Variants in ACSS1 observed in about 807,000 individuals in gnomAD.
ACSS1 encodes acetyl-coenzyme A synthetase 2-like, mitochondrial.
In ACSS1, 42 loss-of-function variants were observed where a neutral mutation model predicts 75.3. The observed-to-expected ratio is 0.56, with a 90% CI of 0.44 to 0.72. The LOEUF is 0.72. ACSS1 is among the 30% of genes least tolerant of loss of function. The pLI, the probability that ACSS1 is intolerant of heterozygous loss-of-function variation, is 0.00. For missense variants in ACSS1, 782 were observed against 935.7 expected (o/e 0.84, Z 2.14); for synonymous variants, 380 against 376.8 (o/e 1.01, Z -0.10).
chr20:25,046,918 T>TG (rs768832204), intron 2 of ACSS1: 1 of 779,244 alleles, frequency 1.3e-6, no homozygotes, highest in East Asian at 2.4e-5. Context: ...GTCTGGCTGG[T>TG]GGGGGAGACG....
chr20:25,012,333 A>G (rs2088424052), intron 12 of ACSS1: 1 of 526,530 alleles, frequency 1.9e-6, no homozygotes, highest in African/African-American at 1.9e-5. Flanking sequence ...GAAACCCCCC[A>G]AGCTTAGCCA....
intron 2 of ACSS1, among the ~76,000 whole-genome samples, chr20:25,040,186 C>A (rs1600339677): frequency 1.3e-5 from 2 of 152,220 alleles, no homozygotes; most frequent in East Asian, 3.8e-4. Flanking sequence ...TCAGGTCCCA[C>A]TCCAAGTTTG....
chr20:25,019,105 T>G lies in ACSS1; in HGVS notation c.1246+905A>C, dbSNP rs540799958. On this transcript the variant is annotated intron_variant, in intron 7 of 13. Transcript: ENST00000323482. ...GAGGTACATGCTCCCTTCCCAAGGA[T>G]GTATGTGGCAGAATGGGACACTCTT... Among the ~76,000 whole-genome samples the G allele has an allele frequency of 7.0e-4, 107 of 152,224 alleles. 1 individual carries two copies. In the South Asian group the frequency reaches 8.5e-3, roughly 12 times the overall value.
At chr20:25,029,674 A>G (rs2088788060) in intron 3 of ACSS1, among the ~76,000 whole-genome samples, 3 of 152,228 alleles carry the variant, frequency 2.0e-5, no homozygotes. Flanking sequence ...ATGCCACAAC[A>G]TGGATGAATG....
chr20:25,026,828 C>T (rs1207327633), intron 3 of ACSS1, among the ~76,000 whole-genome samples: 1 of 152,170 alleles, frequency 6.6e-6, no homozygotes. Context: ...AGGGCAGAGT[C>T]CTCTTCAGGA....
intron 2 of ACSS1, among the ~76,000 whole-genome samples, chr20:25,040,772 G>A (rs1243404740): frequency 6.6e-6 from 1 of 152,028 alleles, no homozygotes; most frequent in Non-Finnish European, 1.5e-5. Flanking sequence ...AAACCACCCA[G>A]CCCCAGGGGC....
intron 3 of ACSS1, among the ~76,000 whole-genome samples, chr20:25,027,156 C>T (rs1260762925): frequency 6.6e-6 from 1 of 152,226 alleles, no homozygotes; most frequent in Non-Finnish European, 1.5e-5. Context: ...TCAGTTTACC[C>T]ATCTTCTTCC....
At chr20:25,042,460 G>A (rs1390984131) in intron 2 of ACSS1, among the ~76,000 whole-genome samples, 4 of 152,132 alleles carry the variant, frequency 2.6e-5, no homozygotes, top group Admixed American at 2.6e-4. Flanking sequence ...CCCACCATGG[G>A]AGCCCCACAG....
chr20:25,019,147 G>A (rs1357308280), intron 7 of ACSS1, among the ~76,000 whole-genome samples: 1 of 152,228 alleles, frequency 6.6e-6, no homozygotes, highest in Non-Finnish European at 1.5e-5. Context: ...TCACTGCCCT[G>A]CATGCTTCCC....
chr20:25,028,737 T>C (rs1451398038), intron 3 of ACSS1, among the ~76,000 whole-genome samples: 1 of 152,170 alleles, frequency 6.6e-6, no homozygotes, highest in Non-Finnish European at 1.5e-5. Context: ...CTGGTCAACA[T>C]GGTGAAATCC....
chr20:25,039,953 G>A (rs2088974107), intron 2 of ACSS1, among the ~76,000 whole-genome samples: 2 of 152,228 alleles, frequency 1.3e-5, no homozygotes, highest in Non-Finnish European at 2.9e-5. Context: ...GGCAGCCCAG[G>A]ACAAGAGCAC....
At chr20:25,046,844 A>G (rs1200537963) in intron 2 of ACSS1, 3 of 779,746 alleles carry the variant, frequency 3.8e-6, no homozygotes. Flanking sequence ...CTGCTGGCCT[A>G]TGGGCCACAC....
intron 7 of ACSS1, among the ~76,000 whole-genome samples, chr20:25,015,531 A>T (rs954399065): frequency 2.0e-5 from 3 of 152,150 alleles, no homozygotes; most frequent in Non-Finnish European, 4.4e-5. Context: ...TCCTGACCTC[A>T]GGTGATCCAC....
At chr20:25,046,580 C>T in intron 2 of ACSS1, 1 of 541,918 alleles carries the variant, frequency 1.8e-6, no homozygotes, top group Non-Finnish European at 3.3e-6. Flanking sequence ...CTCCAGGTGT[C>T]CAGTTAGCTC....
intron 2 of ACSS1, 60 bp downstream of exon 2, chr20:25,048,025 C>T (rs2089122871): frequency 1.3e-6 from 2 of 1,504,168 alleles, no homozygotes; most frequent in South Asian, 1.2e-5. Flanking sequence ...CAGCCAGACT[C>T]AGCACACAGG....
chr20:25,014,990 A>G lies in ACSS1; in HGVS notation c.1339+148T>C, dbSNP rs1212069389. The stretch of plus-strand genomic sequence containing the variant: ...AGCCAGGCGACCTCTGAGTTCCCTC[A>G]CTCTAGGCTCCAGGGTTTCCGCAGT... On this transcript the variant is annotated intron_variant, in intron 8 of 13. Coordinates refer to ENST00000323482, the MANE Select transcript of ACSS1 (RefSeq NM_032501.4). The G allele has an allele frequency of 1.1e-5, 6 of 570,432 alleles. No individual in the cohort carries two copies. In the East Asian group the frequency reaches 1.9e-4, roughly 18 times the overall value. 35.3% of individuals were successfully genotyped at this position (570,432 alleles called of 1,614,324 possible).
chr20:25,035,383 T>C (rs1161307676), intron 2 of ACSS1, among the ~76,000 whole-genome samples: 1 of 151,766 alleles, frequency 6.6e-6, no homozygotes, highest in African/African-American at 2.4e-5. Flanking sequence ...TAATTCTATC[T>C]CAATTTCTCC....
At chr20:25,016,458 A>G (rs956198731) in intron 7 of ACSS1, among the ~76,000 whole-genome samples, 1 of 152,226 alleles carries the variant, frequency 6.6e-6, no homozygotes, top group African/African-American at 2.4e-5. Context: ...ACATTTCCAC[A>G]CCAGGCCAGC....
chr20:25,056,313 G>GC (rs1225422726), intron 1 of ACSS1, among the ~76,000 whole-genome samples: 1 of 152,152 alleles, frequency 6.6e-6, no homozygotes, highest in Non-Finnish European at 1.5e-5. Flanking sequence ...AGGGCACATT[G>GC]CCCCAACTCT....
Sources: gnomAD v4.1 joint callset for allele counts (sites outside exome capture counted in the v4.1 genomes callset) on GRCh38, gnomAD v4.1.1 for gene constraint, MANE v1.5 for transcripts, NCBI Gene and HGNC (gene_info 2026-07-23, HGNC 2026-07-21) for gene names.